ASAP1: variants seen among roughly 807,000 people sequenced by gnomAD.
ASAP1 encodes ArfGAP with SH3 domain, ankyrin repeat and PH domain 1, also known as arf-GAP with SH3 domain, ANK repeat and PH domain-containing protein 1.
A neutral mutation model predicts 145.2 loss-of-function variants in ASAP1; 43 were observed. The ratio of observed to expected loss-of-function variants is 0.30; its 90% CI spans 0.23 to 0.38. The LOEUF (loss-of-function observed/expected upper bound fraction) is 0.38. Ranked by LOEUF, ASAP1 falls within the 10% of genes least tolerant of loss-of-function variation. ASAP1 has a pLI of 1.00. For missense variants in ASAP1, 1,018 were observed against 1,355.3 expected (o/e 0.75, Z 3.91); for synonymous variants, 546 against 515.5 (o/e 1.06, Z -0.80).
At chr8:130,278,803 C>T (rs1440665423) in intron 3 of ASAP1, among the ~76,000 whole-genome samples, 1 of 152,178 alleles carries the variant, frequency 6.6e-6, no homozygotes, top group African/African-American at 2.4e-5. Context: ...ACTCACCGTA[C>T]CCAGTAACCA....
intron 3 of ASAP1, among the ~76,000 whole-genome samples, chr8:130,324,464 C>T (rs1395005967): frequency 1.3e-5 from 2 of 152,166 alleles, no homozygotes; most frequent in Admixed American, 6.5e-5. Flanking sequence ...TAAAGATGAT[C>T]TAAGTCTGAC....
At chr8:130,240,448 G>A (rs16904226) in intron 3 of ASAP1, among the ~76,000 whole-genome samples, 1,932 of 152,156 alleles carry the variant, frequency 0.013, 42 homozygotes, top group African/African-American at 0.044. Context: ...AAGTCTAAGT[G>A]TGCTACAAAG....
chr8:130,127,863 G>A (rs1436601738), intron 16 of ASAP1, 64 bp downstream of exon 16: 15 of 1,568,592 alleles, frequency 9.6e-6, no homozygotes, highest in Admixed American at 3.6e-5. Flanking sequence ...TAACTAGATC[G>A]TTTTATATTC....
chr8:130,116,292 G>C (rs1335898500), intron 22 of ASAP1, among the ~76,000 whole-genome samples: 1 of 152,224 alleles, frequency 6.6e-6, no homozygotes, highest in Non-Finnish European at 1.5e-5. Flanking sequence ...TGGGAGAACA[G>C]TGTGTTAACA....
At chr8:130,170,553 C>G (rs1350278156) in intron 9 of ASAP1, among the ~76,000 whole-genome samples, 1 of 152,172 alleles carries the variant, frequency 6.6e-6, no homozygotes, top group African/African-American at 2.4e-5. Flanking sequence ...AGAATGATTA[C>G]TGAAATCCTA....
At chr8:130,206,844 G>A (rs942905987) in intron 5 of ASAP1, among the ~76,000 whole-genome samples, 8 of 151,752 alleles carry the variant, frequency 5.3e-5, no homozygotes, top group African/African-American at 1.9e-4. Context: ...CCCATTTTGC[G>A]GTTTTGGTAT....
At chr8:130,076,499 A>G (rs2097462624) in intron 26 of ASAP1, 93 bp from the exon 27 acceptor site, 2 of 950,530 alleles carry the variant, frequency 2.1e-6, no homozygotes, top group Non-Finnish European at 3.2e-6. Context: ...AGGTATTTAC[A>G]TAATCATCTA....
chr8:130,159,997 C>T (rs796641918), intron 11 of ASAP1, 33 bp from the exon 12 acceptor site: 2 of 1,557,932 alleles, frequency 1.3e-6, no homozygotes, highest in African/African-American at 1.4e-5. Context: ...TAAACAAAAA[C>T]TAGAGACAAT....
At chr8:130,276,745 CT>C (rs371314071) in intron 3 of ASAP1, among the ~76,000 whole-genome samples, 20 of 150,970 alleles carry the variant, frequency 1.3e-4, no homozygotes, top group African/African-American at 4.9e-4. Flanking sequence ...CTCTCTCTCT[CT>C]CTCTCTCTCT....
chr8:130,154,532 G>A (rs1478821688), intron 12 of ASAP1, among the ~76,000 whole-genome samples: 1 of 152,140 alleles, frequency 6.6e-6, no homozygotes, highest in African/African-American at 2.4e-5. Flanking sequence ...AAGTTTTGAA[G>A]GCCTTCTGTT....
intron 3 of ASAP1, among the ~76,000 whole-genome samples, chr8:130,317,067 G>T (rs1823705911): frequency 6.9e-6 from 1 of 145,192 alleles, no homozygotes; most frequent in Non-Finnish European, 1.5e-5. Flanking sequence ...TTCCTATTTT[G>T]CTTTTAGTTT....
intron 24 of ASAP1, among the ~76,000 whole-genome samples, chr8:130,099,680 CTTTTTTTTTT>C (rs57950334): frequency 1.0e-5 from 1 of 100,228 alleles, no homozygotes; most frequent in East Asian, 2.7e-4. Context: ...GGATTTCATT[CTTTTTTTTTT>C]TTTTTTTTTT....
intron 18 of ASAP1, chr8:130,118,892 C>A: frequency 3.5e-6 from 1 of 282,820 alleles, no homozygotes; most frequent in Non-Finnish European, 6.5e-6. Context: ...GATATAGTTA[C>A]AAAGTAAACG....
In ASAP1 at chr8:130,180,809, G is replaced by T. The variant is rs1035928006; in HGVS notation, c.602C>A (p.Ala201Asp). ...CTTCTCCATTTCTTCCGCAATCTCA[G>T]CTCCTGTTATCTCTGTGCGGATCAT... ...HGMIRTEITG[A>D]EIAEEMEKER... The change falls in exon 8 of 30, where the codon GCT (alanine) becomes GAT (aspartate). Residue 201 changes from alanine (A) to aspartate (D), a missense_variant. By Grantham distance (126) the Ala-to-Asp change is moderately radical. Around this residue, in one of 9 missense-constraint regions of ASAP1, gnomAD observed 78 missense variants for 161.0 expected, o/e 0.48. Transcript: ENST00000518721. The T allele has an allele frequency of 6.2e-7, 1 of 1,613,406 alleles. No homozygotes were observed. Among genetic ancestry groups the T allele is most frequent in the African/African-American group, 1.3e-5 (1 of 74,814 alleles).
intron 2 of ASAP1, among the ~76,000 whole-genome samples, chr8:130,400,554 G>A (rs780600128): frequency 1.3e-5 from 2 of 151,718 alleles, no homozygotes; most frequent in African/African-American, 2.4e-5. Context: ...TTGGGAGGCC[G>A]AGGCGGGCAG....
At chr8:130,432,142 G>A (rs1026722404) in intron 1 of ASAP1, among the ~76,000 whole-genome samples, 2 of 117,178 alleles carry the variant, frequency 1.7e-5, no homozygotes, top group Admixed American at 9.0e-5. Flanking sequence ...GAAGATGGGG[G>A]AACAGAGGCA....
At chr8:130,065,848 T>C (rs751286842) in intron 27 of ASAP1, among the ~76,000 whole-genome samples, 14 of 152,276 alleles carry the variant, frequency 9.2e-5, no homozygotes, top group South Asian at 6.2e-4. Context: ...GCCTCACTGT[T>C]CTTTCCTGCC....
chr8:130,414,172 A>G (rs1380278327), intron 1 of ASAP1, among the ~76,000 whole-genome samples: 2 of 152,234 alleles, frequency 1.3e-5, no homozygotes, highest in Non-Finnish European at 2.9e-5. Flanking sequence ...GAATGGACAG[A>G]ACAGTAGGTT....
intron 5 of ASAP1, among the ~76,000 whole-genome samples, chr8:130,205,937 G>C (rs976164309): frequency 1.3e-5 from 2 of 152,186 alleles, no homozygotes; most frequent in Non-Finnish European, 2.9e-5. Flanking sequence ...CAAATCAGCA[G>C]TATCTCTGTG....
Sources: allele counts gnomAD v4.1 joint callset (sites outside exome capture counted in the v4.1 genomes callset), GRCh38; gene constraint gnomAD v4.1.1; regional missense constraint gnomAD v4.1.1; transcripts MANE v1.5; gene names NCBI Gene and HGNC (gene_info 2026-07-23, HGNC 2026-07-21).